The following FAM163A variants were observed in gnomAD, a reference collection of about 807,000 sequenced individuals.
The protein encoded by FAM163A is family with sequence similarity 163 member A.
Under a neutral mutation model 12.0 loss-of-function variants are expected in FAM163A, and 7 were observed. The ratio of observed to expected loss-of-function variants is 0.58; its 90% CI spans 0.33 to 1.10. The LOEUF is 1.10. Ranked by LOEUF, FAM163A falls within the 50% of genes least tolerant of loss-of-function variation. FAM163A has a pLI of 0.03. For synonymous variants in FAM163A, 101 were observed against 91.0 expected (o/e 1.11, Z -0.62); for missense variants, 202 against 218.6 (o/e 0.92, Z 0.48).
At chr1:179,812,289 G>A (rs1193010553) in intron 3 of FAM163A, among the ~76,000 whole-genome samples, 158 bp downstream of exon 3, 1 of 152,178 alleles carries the variant, frequency 6.6e-6, no homozygotes, top group African/African-American at 2.4e-5. Context: ...CATGCCCAGA[G>A]CTTGCCTCTG....
rs1292416231 is a variant in FAM163A at position 179,771,361 on chromosome 1, GACCTCTGGGCCTC to G, written c.-136+27941_-136+27953del. Among the ~76,000 whole-genome samples the G allele has an allele frequency of 9.2e-5, 14 of 152,296 alleles. 1 individual carries two copies. In the East Asian group the frequency reaches 2.5e-3, roughly 27 times the overall value. On this transcript the variant is annotated intron_variant, in intron 1 of 4. Coordinates refer to ENST00000341785, the MANE Select transcript of FAM163A (RefSeq NM_173509.3). Reference sequence around the variant, plus strand: ...CCAGGCCCATCAGCTTTACCTGTCTGACCTCTGGGCCTCACTGAGGCGCCCTGTGAGAGCTGCT... The same window carrying G: ...CCAGGCCCATCAGCTTTACCTGTCTGACTGAGGCGCCCTGTGAGAGCTGCT...
intron 2 of FAM163A, 89 bp from the exon 3 acceptor site, chr1:179,812,021 G>C (rs1694768494): frequency 6.6e-6 from 1 of 152,512 alleles, no homozygotes; most frequent in South Asian, 2.1e-4. Flanking sequence ...GCAAAATGAG[G>C]GTTGTCTGGG....
chr1:179,737,952 T>C, the FAM163A span, among the ~76,000 whole-genome samples: 4 of 152,216 alleles, frequency 2.6e-5, no homozygotes, highest in Admixed American at 1.3e-4. Flanking sequence ...ACTCATTAGA[T>C]TGAATACGTT....
At chr1:179,809,363 G>A (rs1182482860) in intron 2 of FAM163A, among the ~76,000 whole-genome samples, 1 of 152,202 alleles carries the variant, frequency 6.6e-6, no homozygotes, top group Non-Finnish European at 1.5e-5. Flanking sequence ...GCAAGCCTTG[G>A]TTACGATTCC....
intron 1 of FAM163A, among the ~76,000 whole-genome samples, chr1:179,771,818 G>A (rs1172865558): frequency 6.6e-6 from 1 of 151,924 alleles, no homozygotes. Flanking sequence ...TGGCCTCTCT[G>A]CTGCCCTGGA....
At chr1:179,765,868 GA>G (rs1687430890) in intron 1 of FAM163A, among the ~76,000 whole-genome samples, 1 of 152,092 alleles carries the variant, frequency 6.6e-6, no homozygotes, top group Non-Finnish European at 1.5e-5. Context: ...TGGCTGGCCT[GA>G]AATGACAGAA....
At chr1:179,779,271 G>A (rs1342130948) in intron 1 of FAM163A, among the ~76,000 whole-genome samples, 1 of 152,112 alleles carries the variant, frequency 6.6e-6, no homozygotes, top group African/African-American at 2.4e-5. Context: ...AGCAGGAGTA[G>A]AAGGAATAGG....
intron 1 of FAM163A, among the ~76,000 whole-genome samples, chr1:179,769,764 C>T (rs1267102094): frequency 6.6e-6 from 1 of 152,126 alleles, no homozygotes; most frequent in African/African-American, 2.4e-5. Flanking sequence ...TGAACCTGGA[C>T]CTAGAGTGCT....
At chr1:179,787,404 A>T (rs1226301688) in intron 1 of FAM163A, among the ~76,000 whole-genome samples, 3 of 152,228 alleles carry the variant, frequency 2.0e-5, no homozygotes, top group Non-Finnish European at 4.4e-5. Context: ...CCAGGGATAC[A>T]GAAATGAACA....
chr1:179,807,365 G>A (rs77661410), intron 1 of FAM163A, among the ~76,000 whole-genome samples: 2,340 of 152,232 alleles, frequency 0.015, 31 homozygotes, highest in African/African-American at 0.036. Flanking sequence ...CCGGGAAACC[G>A]TGGGAAAGGG....
rs1212181168 is a variant in FAM163A at position 179,814,387 on chromosome 1, G to A, written c.*198G>A. ...AGACAGGGCCTGGCTCCAACTCTGT[G>A]GGCCAGAGGTGGGGGACTGCTAGGT... is the stretch of plus-strand genomic sequence containing the variant. On this transcript the variant is annotated 3_prime_UTR_variant, in exon 5 of 5. Coordinates refer to ENST00000341785, the MANE Select transcript of FAM163A (RefSeq NM_173509.3). 2 of 706,334 alleles carry A rather than the reference G, an allele frequency of 2.8e-6. No individual in the cohort carries two copies. The highest frequency in any genetic ancestry group is 4.4e-6 in the Non-Finnish European group (2 of 450,724). The allele number at this position is 706,334 out of a possible 1,614,324, so 43.8% of individuals were successfully genotyped here.
chr1:179,771,406 T>G (rs546719777), intron 1 of FAM163A, among the ~76,000 whole-genome samples: 1 of 152,318 alleles, frequency 6.6e-6, no homozygotes, highest in African/African-American at 2.4e-5. Context: ...TGCTGTCATT[T>G]TTGTTCTCTC....
intron 1 of FAM163A, among the ~76,000 whole-genome samples, chr1:179,758,650 TC>T (rs1686370748): frequency 1.3e-5 from 2 of 152,248 alleles, no homozygotes; most frequent in Non-Finnish European, 2.9e-5. Flanking sequence ...AGTGTTCCTG[TC>T]CCTCTGTTCC....
At chr1:179,798,221 C>CA (rs556124777) in intron 1 of FAM163A, among the ~76,000 whole-genome samples, 30 of 147,086 alleles carry the variant, frequency 2.0e-4, no homozygotes, top group East Asian at 7.9e-4. Context: ...GACTCCATCT[C>CA]AAAAAAAAAA....
chr1:179,750,821 A>T (rs532849603), intron 1 of FAM163A, among the ~76,000 whole-genome samples: 4 of 152,216 alleles, frequency 2.6e-5, no homozygotes, highest in Non-Finnish European at 4.4e-5. Context: ...CAGACTCCTG[A>T]TGTAGTCCAG....
intron 1 of FAM163A, among the ~76,000 whole-genome samples, chr1:179,750,698 G>A (rs1685151910): frequency 6.6e-6 from 1 of 152,238 alleles, no homozygotes; most frequent in African/African-American, 2.4e-5. Flanking sequence ...GGTAGTCACT[G>A]AAGTACTTGA....
intron 1 of FAM163A, among the ~76,000 whole-genome samples, chr1:179,795,770 A>G (rs1692207428): frequency 1.3e-5 from 2 of 152,128 alleles, no homozygotes; most frequent in South Asian, 4.1e-4. Flanking sequence ...AAATAGAAAC[A>G]TTCTGAAGAG....
At chr1:179,783,112 A>T (rs1690025740) in intron 1 of FAM163A, among the ~76,000 whole-genome samples, 1 of 149,596 alleles carries the variant, frequency 6.7e-6, no homozygotes, top group Non-Finnish European at 1.5e-5. Context: ...CTGGGCGACA[A>T]GAGTGAAACT....
chr1:179,814,259 A>G lies in FAM163A; in HGVS notation c.*70A>G. The G allele has an allele frequency of 6.6e-7, 1 of 1,504,828 alleles. No homozygotes were observed. Among genetic ancestry groups the G allele is most frequent in the Non-Finnish European group, 8.9e-7 (1 of 1,123,204 alleles). The allele number at this position is 1,504,828 out of a possible 1,614,324, so 93.2% of individuals were successfully genotyped here. A position where few individuals can be genotyped will look rare whatever the true frequency, so the allele number is the denominator to read the frequency against. ...GCGGGGGCCATGGGGGTGATGAATG[A>G]CCCTCCAACAGCCCCACATGGGTTG... is the stretch of plus-strand genomic sequence containing the variant. On this transcript the variant is annotated 3_prime_UTR_variant, in exon 5 of 5. Transcript: ENST00000341785.
Sources: allele counts gnomAD v4.1 joint callset (sites outside exome capture counted in the v4.1 genomes callset), GRCh38; gene constraint gnomAD v4.1.1; transcripts MANE v1.5; gene names NCBI Gene and HGNC (gene_info 2026-07-23, HGNC 2026-07-21).